The following COG7 variants were observed in gnomAD, a reference collection of about 807,000 sequenced individuals.
COG7 encodes conserved oligomeric Golgi complex subunit 7.
COG7 carries 49 observed loss-of-function variants against 91.5 expected under a neutral mutation model. That is an observed-to-expected ratio of 0.54 (90% CI 0.43 to 0.68). COG7 has a LOEUF of 0.68. Ranked by LOEUF, COG7 falls within the 30% of genes least tolerant of loss-of-function variation. The pLI, the probability that COG7 is intolerant of heterozygous loss-of-function variation, is 0.00. For missense variants in COG7, 895 were observed against 961.3 expected (o/e 0.93, Z 0.91); for synonymous variants, 365 against 388.7 (o/e 0.94, Z 0.72).
chr16:23,451,902 A>G (rs1964271887), intron 1 of COG7, among the ~76,000 whole-genome samples: 1 of 152,022 alleles, frequency 6.6e-6, no homozygotes, highest in Non-Finnish European at 1.5e-5. Context: ...TACTCTCAAA[A>G]TTCACTTTTT....
intron 6 of COG7, among the ~76,000 whole-genome samples, chr16:23,427,491 C>A (rs1293520409): frequency 4.7e-5 from 7 of 150,118 alleles, no homozygotes; most frequent in East Asian, 1.9e-4. Context: ...AAAAAAAAAA[C>A]AAAAAACAGC....
intron 7 of COG7, among the ~76,000 whole-genome samples, chr16:23,419,577 G>A (rs919500725): frequency 3.4e-5 from 5 of 148,982 alleles, no homozygotes; most frequent in South Asian, 2.1e-4. Context: ...GGTGAAACCC[G>A]ATCTCTACTA....
chr16:23,443,365 G>A (rs1210614448), intron 3 of COG7, among the ~76,000 whole-genome samples: 1 of 152,034 alleles, frequency 6.6e-6, no homozygotes, highest in African/African-American at 2.4e-5. Context: ...GACCAATATA[G>A]CAAGACCTTG....
intron 16 of COG7, 102 bp from the exon 17 acceptor site, chr16:23,389,188 C>A (rs565616181): frequency 8.9e-4 from 1,232 of 1,391,664 alleles, no homozygotes; most frequent in Non-Finnish European, 1.1e-3. Context: ...AGAAGCTGCC[C>A]TGCCAAGTCC....
intron 10 of COG7, among the ~76,000 whole-genome samples, chr16:23,411,067 T>C (rs1963554299): frequency 1.3e-5 from 2 of 152,228 alleles, no homozygotes; most frequent in Admixed American, 1.3e-4. Flanking sequence ...TGCCTGCTAG[T>C]TTCCAGACAC....
chr16:23,445,663 A>G, intron 2 of COG7, 150 bp downstream of exon 2: 2 of 826,172 alleles, frequency 2.4e-6, no homozygotes, highest in Non-Finnish European at 2.0e-6. Context: ...TGTCTCAAAA[A>G]AAAAAGAGCA....
intron 10 of COG7, 103 bp from the exon 11 acceptor site, chr16:23,410,463 G>T: frequency 2.1e-6 from 2 of 945,030 alleles, no homozygotes; most frequent in Non-Finnish European, 3.4e-6. Flanking sequence ...TTGCTCCTTT[G>T]GGTAGTTCTG....
intron 4 of COG7, 94 bp downstream of exon 4, chr16:23,442,383 C>A: frequency 1.1e-5 from 11 of 1,031,234 alleles, no homozygotes; most frequent in East Asian, 2.5e-5. Flanking sequence ...CTATGTAATT[C>A]AATCACCATT....
At position 23,406,235 on chromosome 16, in the gene COG7, T is replaced by A. The variant is rs200335241; in HGVS notation, c.1503A>T (p.Leu501=). Residue 501 remains leucine, a synonymous_variant, in exon 12 of 17, where the codon CTA becomes CTT. Coordinates refer to ENST00000307149, the MANE Select transcript of COG7 (RefSeq NM_153603.4). ...GGCTCCGGGGGCTGCAGGAATCAGA[T>A]AGATACTTCCCAGCTGTGGACAAAA... ...NRILSTAGKY[L]SDSCSPRSLA... The A allele has an allele frequency of 1.2e-6, 2 of 1,614,058 alleles. No homozygotes were observed. Among genetic ancestry groups the A allele is most frequent in the East Asian group, 4.5e-5 (2 of 44,898 alleles).
Position 23,453,085 on chromosome 16 carries a change from C to T in COG7, c.-91G>A. The T allele has an allele frequency of 1.9e-6, 3 of 1,579,854 alleles. No homozygotes were observed. The highest frequency in any genetic ancestry group is 1.7e-6 in the Non-Finnish European group (2 of 1,161,230). ...AGAAGCGAGCGAGCCTGCGAGAGCACCGAGGCTAGCCTCCGAGGCGAACCC... is the reference window on the plus strand; with the variant it reads ...AGAAGCGAGCGAGCCTGCGAGAGCATCGAGGCTAGCCTCCGAGGCGAACCC... On this transcript the variant is annotated 5_prime_UTR_variant, in exon 1 of 17. In the 5' UTR this introduces an upstream ATG that the reference lacks. Coordinates refer to ENST00000307149, the MANE Select transcript of COG7 (RefSeq NM_153603.4).
chr16:23,445,000 G>A, intron 3 of COG7, 48 bp downstream of exon 3: 6 of 1,391,936 alleles, frequency 4.3e-6, no homozygotes, highest in Non-Finnish European at 6.1e-6. Flanking sequence ...CAAACCTCAA[G>A]TTCTTGCTTA....
chr16:23,436,180 T>C (rs1159410617), intron 4 of COG7, among the ~76,000 whole-genome samples: 1 of 152,150 alleles, frequency 6.6e-6, no homozygotes, highest in African/African-American at 2.4e-5. Context: ...TGTGATCACA[T>C]CACTGCACTT....
At chr16:23,411,337 G>C (rs30010) in intron 10 of COG7, among the ~76,000 whole-genome samples, 44,769 of 151,966 alleles carry the variant, frequency 0.29, 7,596 homozygotes, top group African/African-American at 0.47. Context: ...CTAAAAGTGC[G>C]CATCATCACC....
At position 23,416,783 on chromosome 16, in the gene COG7, A is replaced by C. The variant is rs543752059; in HGVS notation, c.1292+184T>G. 200 of 686,414 alleles carry C rather than the reference A, an allele frequency of 2.9e-4. 1 individual carries two copies. The South Asian group carries it at 3.4e-3, about 12-fold the overall frequency. The allele number at this position is 686,414 out of a possible 1,614,324, so 42.5% of individuals were successfully genotyped here. ...AACCTTCCCTAATGGGTAGACATTT[A>C]CGTTGTTTCAAATGTTCCACCATTA... On this transcript the variant is annotated intron_variant, in intron 9 of 16. Transcript: ENST00000307149.
chr16:23,410,226 G>T, intron 11 of COG7, 69 bp downstream of exon 11: 2 of 1,285,982 alleles, frequency 1.6e-6, no homozygotes, highest in Non-Finnish European at 2.3e-6. Flanking sequence ...TTGCTGTACT[G>T]TGTACTAGAC....
chr16:23,421,579 G>C (rs1267298292), intron 7 of COG7, among the ~76,000 whole-genome samples: 1 of 151,832 alleles, frequency 6.6e-6, no homozygotes, highest in Non-Finnish European at 1.5e-5. Flanking sequence ...TTTCAAACTT[G>C]CTAATAACCA....
At chr16:23,432,209 AGGAT>A (rs1205914395) in intron 6 of COG7, among the ~76,000 whole-genome samples, 1 of 152,200 alleles carries the variant, frequency 6.6e-6, no homozygotes, top group Non-Finnish European at 1.5e-5. Flanking sequence ...AAAAAGAACA[AGGAT>A]GGAGAAAAGT....
intron 14 of COG7, among the ~76,000 whole-genome samples, chr16:23,396,401 G>A (rs939411644): frequency 3.9e-5 from 6 of 152,066 alleles, no homozygotes; most frequent in African/African-American, 9.7e-5. Flanking sequence ...TCATTCAGCC[G>A]GGCACAGTGA....
In COG7 at chr16:23,389,007, G is replaced by A. The variant is rs770781371; in HGVS notation, c.2226C>T (p.Thr742=). The A allele has an allele frequency of 1.2e-6, 2 of 1,614,120 alleles. No homozygotes were observed. The highest frequency in any genetic ancestry group is 2.2e-5 in the South Asian group (2 of 91,074). Residue 742 remains threonine (T), a synonymous_variant, in exon 17 of 17, where the codon ACC becomes ACT. Coordinates refer to ENST00000307149, the MANE Select transcript of COG7 (RefSeq NM_153603.4). ...TGACCTGTCTATAGTCCTCAGGCCT[G>A]GTCTTCAGTAGCGTCACGATGTGCT... ...TLQHIVTLLK[T]RPEDYRQVSK...
Sources: gnomAD v4.1 joint callset for allele counts (sites outside exome capture counted in the v4.1 genomes callset) on GRCh38, gnomAD v4.1.1 for gene constraint, MANE v1.5 for transcripts, NCBI Gene and HGNC (gene_info 2026-07-23, HGNC 2026-07-21) for gene names.